Variants in TBC1D5 observed in about 807,000 individuals in gnomAD.
TBC1D5 encodes the protein TBC1 domain family, member 5.
In TBC1D5, 75 loss-of-function variants were observed where a neutral mutation model predicts 100.3. That is an observed-to-expected ratio of 0.75 (90% CI 0.62 to 0.91). The LOEUF (loss-of-function observed/expected upper bound fraction) is 0.91. Ranked by LOEUF, TBC1D5 falls within the 40% of genes least tolerant of loss-of-function variation. The probability of loss-of-function intolerance (pLI) is 0.00; values close to 1 mark genes in which losing one functional copy is unlikely to be tolerated. For synonymous variants in TBC1D5, 323 were observed against 325.6 expected (o/e 0.99, Z 0.09); for missense variants, 910 against 942.4 (o/e 0.97, Z 0.45).
rs79781453 is a variant in TBC1D5, at chr3:17,598,560, C to A, written c.-36+25289G>T. On this transcript the variant is annotated intron_variant, in intron 2 of 21. Transcript: ENST00000253692. Reference sequence around the variant, plus strand: ...TTTTTATAATATCACCTGTCTGTCACCTTTTATCCAATACACACTGTAATC... The same window carrying A: ...TTTTTATAATATCACCTGTCTGTCAACTTTTATCCAATACACACTGTAATC... Among the ~76,000 whole-genome samples the A allele has an allele frequency of 3.4e-3, 520 of 152,160 alleles. 3 individuals are homozygous for A. Among genetic ancestry groups the A allele is most frequent in the African/African-American group, 0.012 (505 of 41,524 alleles).
At chr3:17,398,805 T>C (rs2093573455) in intron 8 of TBC1D5, among the ~76,000 whole-genome samples, 1 of 152,100 alleles carries the variant, frequency 6.6e-6, no homozygotes, top group Non-Finnish European at 1.5e-5. Flanking sequence ...TATCTTGGCA[T>C]CTCTAGTGCC....
intron 2 of TBC1D5, among the ~76,000 whole-genome samples, chr3:17,532,648 A>C (rs912298990): frequency 5.3e-5 from 8 of 152,250 alleles, no homozygotes; most frequent in Admixed American, 5.2e-4. Context: ...ATGGAATACT[A>C]TGCAGCCATA....
chr3:17,719,492 G>C (rs1342152645), intron 1 of TBC1D5, among the ~76,000 whole-genome samples: 1 of 152,004 alleles, frequency 6.6e-6, no homozygotes, highest in Admixed American at 6.6e-5. Context: ...TTTCTTAACA[G>C]TATTACAGAA....
intron 2 of TBC1D5, among the ~76,000 whole-genome samples, chr3:17,517,758 ATATAC>A (rs1381181558): frequency 5.9e-5 from 9 of 152,158 alleles, no homozygotes. Flanking sequence ...TACAAACATG[ATATAC>A]TATATAACTA....
At chr3:17,727,454 G>C (rs1229662487) in intron 1 of TBC1D5, among the ~76,000 whole-genome samples, 1 of 152,094 alleles carries the variant, frequency 6.6e-6, no homozygotes, top group Non-Finnish European at 1.5e-5. Context: ...AATAAATAAA[G>C]GAGAACTGAG....
chr3:17,705,922 G>T (rs992175394), intron 1 of TBC1D5: 2 of 1,025,582 alleles, frequency 2.0e-6, no homozygotes, highest in Non-Finnish European at 2.8e-6. Context: ...TCGGGCCCGC[G>T]GGGCCCGTCC....
intron 18 of TBC1D5, among the ~76,000 whole-genome samples, chr3:17,204,440 T>G (rs1411186680): frequency 2.6e-5 from 4 of 152,246 alleles, no homozygotes; most frequent in Non-Finnish European, 4.4e-5. Flanking sequence ...TAATTTAGCA[T>G]GATTCAAACC....
chr3:17,732,255 T>C (rs977939985), intron 1 of TBC1D5, among the ~76,000 whole-genome samples: 3 of 151,014 alleles, frequency 2.0e-5, no homozygotes, highest in Non-Finnish European at 3.0e-5. Flanking sequence ...GAGGCAGAGA[T>C]TGCAGTGAGT....
At chr3:17,418,438 A>C (rs943179934) in intron 4 of TBC1D5, among the ~76,000 whole-genome samples, 5 of 151,784 alleles carry the variant, frequency 3.3e-5, no homozygotes, top group Non-Finnish European at 5.9e-5. Context: ...TGAAACCCCC[A>C]CTCTACTAAA....
chr3:17,467,113 T>C (rs2095313027), intron 3 of TBC1D5, among the ~76,000 whole-genome samples: 2 of 152,046 alleles, frequency 1.3e-5, no homozygotes, highest in African/African-American at 4.8e-5. Flanking sequence ...CCAATATTTT[T>C]CATAATTATA....
chr3:17,179,394 A>G (rs939134978), intron 19 of TBC1D5, among the ~76,000 whole-genome samples: 2 of 152,230 alleles, frequency 1.3e-5, no homozygotes, highest in Non-Finnish European at 2.9e-5. Context: ...TAAAGTTCTT[A>G]TGGAGGCAAA....
At chr3:17,723,917 AT>A (rs2075897403) in intron 1 of TBC1D5, among the ~76,000 whole-genome samples, 1 of 152,160 alleles carries the variant, frequency 6.6e-6, no homozygotes, top group South Asian at 2.1e-4. Flanking sequence ...AGAATACTTC[AT>A]TATAATACTA....
At chr3:17,195,572 A>T (rs2125703087) in intron 18 of TBC1D5, among the ~76,000 whole-genome samples, 1 of 152,310 alleles carries the variant, frequency 6.6e-6, no homozygotes, top group African/African-American at 2.4e-5. Flanking sequence ...GTGAAGATGA[A>T]ATGTACACAC....
chr3:17,508,580 T>C (rs771125793), exon 3 of TBC1D5: 9 of 1,606,564 alleles, frequency 5.6e-6, no homozygotes, highest in Non-Finnish European at 7.7e-6. Context: ...TTGTGGGAAC[T>C]GGACAGCGTC....
At chr3:17,171,262 T>C (rs1379606321) in intron 19 of TBC1D5, among the ~76,000 whole-genome samples, 10 of 152,140 alleles carry the variant, frequency 6.6e-5, no homozygotes, top group Non-Finnish European at 1.3e-4. Context: ...ACTGTCTACC[T>C]ATGGGCTTCT....
At chr3:17,435,920 A>T (rs1209937083) in intron 3 of TBC1D5, among the ~76,000 whole-genome samples, 1 of 152,218 alleles carries the variant, frequency 6.6e-6, no homozygotes, top group African/African-American at 2.4e-5. Flanking sequence ...CTATATGAGG[A>T]CTGCAAGCGT....
At chr3:17,280,641 T>C (rs1457517182) in intron 15 of TBC1D5, among the ~76,000 whole-genome samples, 5 of 152,176 alleles carry the variant, frequency 3.3e-5, no homozygotes, top group African/African-American at 9.7e-5. Context: ...ATCATCTTCC[T>C]GCTCCATCCC....
intron 2 of TBC1D5, among the ~76,000 whole-genome samples, chr3:17,533,228 CTATT>C (rs1341509926): frequency 3.9e-5 from 6 of 152,220 alleles, no homozygotes; most frequent in African/African-American, 1.4e-4. Context: ...AAAAGATAAA[CTATT>C]TAAGATAGAG....
chr3:17,269,248 G>T (rs2079132571), intron 15 of TBC1D5, among the ~76,000 whole-genome samples: 1 of 152,142 alleles, frequency 6.6e-6, no homozygotes, highest in South Asian at 2.1e-4. Flanking sequence ...TCTAGGAGGG[G>T]TCAGTGGGGA....
Sources: allele counts gnomAD v4.1 joint callset (sites outside exome capture counted in the v4.1 genomes callset), GRCh38; gene constraint gnomAD v4.1.1; transcripts MANE v1.5; gene names NCBI Gene and HGNC (gene_info 2026-07-23, HGNC 2026-07-21).